Variants in PCNT observed in about 807,000 individuals in gnomAD.
PCNT encodes the protein kendrin.
A neutral mutation model predicts 380.4 loss-of-function variants in PCNT; 319 were observed. That is an observed-to-expected ratio of 0.84 (90% CI 0.77 to 0.92). The LOEUF (loss-of-function observed/expected upper bound fraction) is 0.92, where lower values mean the gene tolerates loss of function less well. Among genes scored for constraint, PCNT ranks in the 40% least tolerant of loss-of-function variants. The pLI, the probability that PCNT is intolerant of heterozygous loss-of-function variation, is 0.00. For synonymous variants in PCNT, 1,845 were observed against 1,735.2 expected (o/e 1.06, Z -1.57); for missense variants, 4,400 against 4,255.3 (o/e 1.03, Z -0.95).
chr21:46,333,499 C>T (rs141207755), intron 2 of PCNT, among the ~76,000 whole-genome samples: 6,776 of 150,848 alleles, frequency 0.045, 222 homozygotes, highest in Non-Finnish European at 0.066. Context: ...CCCAGCTACT[C>T]GGGAGGCTGA....
At chr21:46,331,325 A>G (rs1408623584) in intron 2 of PCNT, among the ~76,000 whole-genome samples, 1 of 151,558 alleles carries the variant, frequency 6.6e-6, no homozygotes. Flanking sequence ...CCCAGCTGAT[A>G]TAAGACATAT....
At chr21:46,412,655 G>A (rs1322454949) in intron 28 of PCNT, among the ~76,000 whole-genome samples, 182 bp from the exon 29 acceptor site, 2 of 152,186 alleles carry the variant, frequency 1.3e-5, no homozygotes, top group East Asian at 3.9e-4. Flanking sequence ...TTTCTGCTGG[G>A]TCCTCAGCCC....
chr21:46,424,236 C>T (rs1397636764), intron 32 of PCNT, among the ~76,000 whole-genome samples: 2 of 152,222 alleles, frequency 1.3e-5, no homozygotes, highest in African/African-American at 4.8e-5. Flanking sequence ...CTCTTGGCCA[C>T]CTCTGGCCGT....
At chr21:46,387,965 C>T (rs1172453488) in intron 17 of PCNT, among the ~76,000 whole-genome samples, 2 of 152,106 alleles carry the variant, frequency 1.3e-5, no homozygotes, top group African/African-American at 4.8e-5. Flanking sequence ...AATCCCAGCA[C>T]TTTGGGAGGC....
chr21:46,435,878 C>T (rs199925510), intron 38 of PCNT, 26 bp from the exon 39 acceptor site: 1 of 1,613,870 alleles, frequency 6.2e-7, no homozygotes, highest in Non-Finnish European at 8.5e-7. Flanking sequence ...TGAACGTCTT[C>T]TCTGTCTTTT....
rs375492793 is a variant in PCNT, at chr21:46,416,437, A to G, written c.6519A>G (p.Glu2173=). The change falls in exon 30 of 47, where the codon GAA becomes GAG. Residue 2173 remains glutamate, a synonymous_variant. Coordinates refer to ENST00000359568, the MANE Select transcript of PCNT (RefSeq NM_006031.6). The part of the protein sequence containing the change: ...IKNWDSLIPD[E]MPDSPIQEKS... ...ATTGGGATTCCTTGATACCAGATGA[A>G]ATGCCAGATTCTCCCATTCAAGAAA... 1.1e-5 allele frequency: 17 copies of G among 1,614,106 alleles called. No individual in the cohort carries two copies. Among genetic ancestry groups the G allele is most frequent in the Non-Finnish European group, 1.4e-5 (17 of 1,180,044 alleles).
rs769024349 is a variant in PCNT at position 46,390,698 on chromosome 21, G to A, written c.3869G>A (p.Arg1290His). Residue 1290 changes from arginine to histidine, a missense_variant, in exon 20 of 47, where the codon CGT becomes CAT. Physicochemically the swap from Arg to His is conservative, Grantham distance 29. Transcript: ENST00000359568. ...GAAGAAGCACGCCAAATTCATTCTC[G>A]TTTTGAAAAAGAATTTAGTTTTAAG... ...QLEEARQIHS[R>H]FEKEFSFKNE... The A allele has an allele frequency of 8.7e-6, 14 of 1,613,964 alleles. No homozygotes were observed. The highest frequency in any genetic ancestry group is 1.3e-5 in the African/African-American group (1 of 74,914).
At chr21:46,380,822 C>T (rs2085505827) in intron 15 of PCNT, among the ~76,000 whole-genome samples, 1 of 152,148 alleles carries the variant, frequency 6.6e-6, no homozygotes, top group East Asian at 1.9e-4. Context: ...CCTTACTTTG[C>T]CATTCTAGAA....
At chr21:46,367,625 A>C (rs973839704) in intron 15 of PCNT, among the ~76,000 whole-genome samples, 1 of 152,066 alleles carries the variant, frequency 6.6e-6, no homozygotes, top group Non-Finnish European at 1.5e-5. Flanking sequence ...GCTTTAAAAC[A>C]CTGAGTTGAA....
In PCNT at chr21:46,353,092, G is replaced by C. The variant is rs756968448; in HGVS notation, c.1457-12G>C. ...CATTTTAAGACGATTGCCTGACTCC[G>C]TTATGTTGCAGAGCTACATGAGCAA... is the stretch of plus-strand genomic sequence containing the variant. On this transcript the variant is annotated splice_polypyrimidine_tract_variant and intron_variant, in intron 9 of 46. Transcript: ENST00000359568. 2.5e-6 allele frequency: 4 copies of C among 1,608,682 alleles called. No individual in the cohort carries two copies. In the African/African-American group the frequency reaches 5.3e-5, roughly 22 times the overall value.
intron 15 of PCNT, among the ~76,000 whole-genome samples, chr21:46,380,712 C>A (rs1004541709): frequency 6.6e-6 from 1 of 152,138 alleles, no homozygotes; most frequent in African/African-American, 2.4e-5. Context: ...AAACACTCTT[C>A]GGATGATTGC....
chr21:46,422,139 GGCGGCCCTCACA>G lies in PCNT; in HGVS notation c.7179+18_7179+29del. The stretch of plus-strand genomic sequence containing the variant: ...AGCACGTGAAGGTATGGCTGGCAGG[GGCGGCCCTCACA>G]GCTTCACATGTGCAGCCTCGGGGCA... On this transcript the variant is annotated intron_variant, in intron 32 of 46. Coordinates refer to ENST00000359568, the MANE Select transcript of PCNT (RefSeq NM_006031.6). 6.2e-7 allele frequency: 1 copy of G among 1,612,946 alleles called. No individual in the cohort carries two copies. The highest frequency in any genetic ancestry group is 8.5e-7 in the Non-Finnish European group (1 of 1,179,946).
chr21:46,391,178 T>C lies in PCNT; in HGVS notation c.4018T>C (p.Phe1340Leu), dbSNP rs755531939. 1.9e-6 allele frequency: 3 copies of C among 1,602,034 alleles called. No homozygotes were observed. Among genetic ancestry groups the C allele is most frequent in the Non-Finnish European group, 2.6e-6 (3 of 1,174,528 alleles). ...LHKTQGTLEGFKVETADLKEV... is the reference protein window; with the variant it reads ...LHKTQGTLEGLKVETADLKEV... Reference sequence around the variant, plus strand: ...CTCCCACAAAGGTACCCTTGAGGGATTCAAGGTGGAGACAGCAGATCTGAA... The same window carrying C: ...CTCCCACAAAGGTACCCTTGAGGGACTCAAGGTGGAGACAGCAGATCTGAA... Residue 1340 changes from phenylalanine to leucine, a missense_variant, in exon 21 of 47, where the codon TTC (phenylalanine) becomes CTC (leucine). By Grantham distance (22) the Phe-to-Leu change is conservative. Coordinates refer to ENST00000359568, the MANE Select transcript of PCNT (RefSeq NM_006031.6).
In PCNT at chr21:46,388,080, G is replaced by A. The variant is rs2085902242; in HGVS notation, c.3465-662G>A. Among the ~76,000 whole-genome samples, 2 of 152,088 alleles carry A rather than the reference G, an allele frequency of 1.3e-5. No homozygotes were observed. The highest frequency in any genetic ancestry group is 6.5e-5 in the Admixed American group (1 of 15,282). ...AAAAAATTAGCCGGGCGTGGTGACA[G>A]ACGCCTGTAGTCCCAGCTACTCGGG... On this transcript the variant is annotated intron_variant, in intron 17 of 46. Coordinates refer to ENST00000359568, the MANE Select transcript of PCNT (RefSeq NM_006031.6). The surrounding 1 kb of genome is among the most constrained non-coding windows in gnomAD (Gnocchi z 4.2).
intron 14 of PCNT, among the ~76,000 whole-genome samples, chr21:46,365,267 G>C (rs1284969514): frequency 7.5e-6 from 1 of 133,224 alleles, no homozygotes; most frequent in Admixed American, 7.9e-5. Flanking sequence ...ATGGAGTTCT[G>C]TTCACTCCCA....
intron 38 of PCNT, among the ~76,000 whole-genome samples, chr21:46,434,354 G>A (rs1346538915): frequency 6.6e-6 from 1 of 152,252 alleles, no homozygotes; most frequent in Non-Finnish European, 1.5e-5. Flanking sequence ...CAGGGGCGCT[G>A]GTGCCACACA....
chr21:46,411,733 A>T lies in PCNT; in HGVS notation c.5660A>T (p.His1887Leu). The stretch of plus-strand genomic sequence containing the variant: ...GCTCTGAACCAGCGGAAGGCGGCCC[A>T]CTCTGCCGAGCTGGAGGCCGTCCTG... ...IDALNQRKAA[H>L]SAELEAVLLA... is the part of the protein sequence containing the mutation. The change falls in exon 28 of 47, where the codon CAC becomes CTC. Residue 1887 changes from histidine to leucine, a missense_variant. Transcript: ENST00000359568. 1 of 1,611,884 alleles carries T rather than the reference A, an allele frequency of 6.2e-7. No homozygotes were observed. The highest frequency in any genetic ancestry group is 1.7e-4 in the Middle Eastern group (1 of 6,058).
chr21:46,377,423 A>G (rs1260315544), intron 15 of PCNT, among the ~76,000 whole-genome samples: 2 of 152,252 alleles, frequency 1.3e-5, no homozygotes, highest in Admixed American at 6.5e-5. Flanking sequence ...AAAACACAAA[A>G]TAATTTCATT....
Position 46,401,596 on chromosome 21 carries a change from G to A in PCNT, c.4837G>A (p.Ala1613Thr), listed in dbSNP as rs1377489862. Residue 1613 changes from alanine (A) to threonine (T), a missense_variant, in exon 26 of 47, where the codon GCG becomes ACG. Coordinates refer to ENST00000359568, the MANE Select transcript of PCNT (RefSeq NM_006031.6). ...KKQQMSSLLL[A>T]STLQSTLDAG... Reference sequence around the variant, plus strand: ...ACAGCAGATGAGTAGCTTGCTTCTGGCGTCCACGTTGCAGTCTACACTAGA... The same window carrying A: ...ACAGCAGATGAGTAGCTTGCTTCTGACGTCCACGTTGCAGTCTACACTAGA... The A allele has an allele frequency of 3.7e-6, 6 of 1,614,022 alleles. No homozygotes were observed. The South Asian group carries it at 5.5e-5, about 15-fold the overall frequency.
Sources: allele counts gnomAD v4.1 joint callset (sites outside exome capture counted in the v4.1 genomes callset), GRCh38; gene constraint gnomAD v4.1.1; non-coding constraint Gnocchi (gnomAD v3.1); transcripts MANE v1.5; gene names NCBI Gene and HGNC (gene_info 2026-07-23, HGNC 2026-07-21).